WWOX: variants seen among roughly 807,000 people sequenced by gnomAD.
WWOX encodes WW domain containing oxidoreductase.
WWOX carries 69 observed loss-of-function variants against 46.2 expected under a neutral mutation model. The observed-to-expected ratio is 1.49, with a 90% confidence interval of 1.23 to 1.82. The LOEUF is 1.82. Ranked by LOEUF, WWOX falls within the 40% of genes most tolerant of loss-of-function variation. WWOX has a pLI of 0.00. For missense variants in WWOX, 919 were observed against 542.6 expected (o/e 1.69, Z -6.89); for synonymous variants, 359 against 202.6 (o/e 1.77, Z -6.56).
At chr16:79,098,720 G>A (rs780576420) in intron 8 of WWOX, among the ~76,000 whole-genome samples, 11 of 152,188 alleles carry the variant, frequency 7.2e-5, no homozygotes, top group Non-Finnish European at 1.5e-4. Context: ...CAACATAAAT[G>A]AGTAGAGGCA....
At chr16:79,054,775 G>T (rs1476455214) in intron 8 of WWOX, among the ~76,000 whole-genome samples, 1 of 152,162 alleles carries the variant, frequency 6.6e-6, no homozygotes, top group Non-Finnish European at 1.5e-5. Context: ...GCTGTGAACT[G>T]TGATCACACC....
At chr16:78,893,877 A>C (rs931081088) in intron 8 of WWOX, among the ~76,000 whole-genome samples, 2 of 152,154 alleles carry the variant, frequency 1.3e-5, no homozygotes, top group African/African-American at 4.8e-5. Context: ...CTAGAACACA[A>C]GATTTTCTAG....
chr16:78,961,896 C>T (rs749383447), intron 8 of WWOX, among the ~76,000 whole-genome samples: 52 of 152,134 alleles, frequency 3.4e-4, no homozygotes, highest in Non-Finnish European at 5.9e-4. Flanking sequence ...TGACTGCATC[C>T]AAGACCTATT....
intron 7 of WWOX, among the ~76,000 whole-genome samples, chr16:78,432,234 C>T (rs1675873823): frequency 6.6e-6 from 1 of 151,646 alleles, no homozygotes; most frequent in African/African-American, 2.4e-5. Context: ...TCTCTTGCTT[C>T]AGATTCCCGT....
Position 78,432,715 on chromosome 16 carries a change from T to C in WWOX, c.1019T>C (p.Leu340Pro), listed in dbSNP as rs761125565. Residue 340 changes from leucine to proline, a missense_variant, in exon 8 of 9, where the codon CTG becomes CCG. By Grantham distance (98) the Leu-to-Pro change is moderately conservative. Coordinates refer to ENST00000566780, the MANE Select transcript of WWOX (RefSeq NM_016373.4). Reference protein sequence around the residue: ...NIHRSWWVYTLLFTLARPFTK... With the variant: ...NIHRSWWVYTPLFTLARPFTK... ...CATCGCAGCTGGTGGGTGTACACAC[T>C]GCTGTTTACCTTGGCGAGGCCTTTC... The C allele has an allele frequency of 1.9e-5, 30 of 1,614,102 alleles. 1 individual carries two copies. The South Asian group carries it at 2.2e-4, about 12-fold the overall frequency.
intron 8 of WWOX, chr16:78,506,627 C>G (rs950487164): frequency 9.9e-5 from 15 of 151,208 alleles, no homozygotes; most frequent in African/African-American, 3.7e-4. Context: ...TTAATTATTA[C>G]CTACCCAAGG....
intron 8 of WWOX, among the ~76,000 whole-genome samples, chr16:78,852,356 C>T (rs989989061): frequency 6.6e-6 from 1 of 152,196 alleles, no homozygotes; most frequent in Non-Finnish European, 1.5e-5. Flanking sequence ...TGGACTTCTG[C>T]TTTGCTTCTC....
At chr16:79,100,339 T>C (rs1156874765) in intron 8 of WWOX, among the ~76,000 whole-genome samples, 4 of 152,182 alleles carry the variant, frequency 2.6e-5, no homozygotes, top group African/African-American at 9.6e-5. Flanking sequence ...AAGATTATTT[T>C]TAAAAGCCTG....
intron 8 of WWOX, among the ~76,000 whole-genome samples, chr16:79,166,720 C>G (rs1450529882): frequency 6.6e-6 from 1 of 152,202 alleles, no homozygotes; most frequent in Admixed American, 6.5e-5. Flanking sequence ...TGAACTACCA[C>G]TTCCAGCACC....
chr16:78,553,134 G>A (rs1392370469), intron 8 of WWOX: 1 of 152,356 alleles, frequency 6.6e-6, no homozygotes, highest in Admixed American at 6.5e-5. Flanking sequence ...GAGGAGTGGG[G>A]TTGGGGGAGG....
chr16:78,177,029 A>T (rs924767055), intron 5 of WWOX, among the ~76,000 whole-genome samples: 1 of 152,202 alleles, frequency 6.6e-6, no homozygotes, highest in African/African-American at 2.4e-5. Context: ...CCCCAGACCT[A>T]CTAGGTAAGA....
intron 5 of WWOX, among the ~76,000 whole-genome samples, chr16:78,372,408 A>G (rs1313016272): frequency 6.6e-6 from 1 of 152,212 alleles, no homozygotes; most frequent in African/African-American, 2.4e-5. Flanking sequence ...GAGACAGAAT[A>G]TCAGTAGCAA....
intron 8 of WWOX, among the ~76,000 whole-genome samples, chr16:78,687,206 G>A (rs759135470): frequency 1.3e-5 from 2 of 152,068 alleles, no homozygotes; most frequent in Non-Finnish European, 1.5e-5. Flanking sequence ...CTCTGTTCAT[G>A]ATATAACAGT....
chr16:78,299,106 G>T (rs191201599), intron 5 of WWOX, among the ~76,000 whole-genome samples: 1 of 152,256 alleles, frequency 6.6e-6, no homozygotes, highest in East Asian at 1.9e-4. Context: ...CTCCAGTGTG[G>T]GTGTTAGTCA....
chr16:79,124,349 G>GA (rs34806457), intron 8 of WWOX, among the ~76,000 whole-genome samples: 59,497 of 150,732 alleles, frequency 0.39, 11,901 homozygotes, highest in South Asian at 0.52. Flanking sequence ...TGGACTTTTT[G>GA]AAAAAAAAAT....
At position 79,023,612 on chromosome 16, in the gene WWOX, A is replaced by G. The variant is rs111378451; in HGVS notation, c.1057-187996A>G. ...AAGGAATGACGTTTTGGTCTGTGCTACAACTGGGATGAACCTCAAACATTA... is the reference window on the plus strand; with the variant it reads ...AAGGAATGACGTTTTGGTCTGTGCTGCAACTGGGATGAACCTCAAACATTA... On this transcript the variant is annotated intron_variant, in intron 8 of 8. Coordinates refer to ENST00000566780, the MANE Select transcript of WWOX (RefSeq NM_016373.4). Among the ~76,000 whole-genome samples, 132 of 152,236 alleles carry G rather than the reference A, an allele frequency of 8.7e-4. 2 individuals carry two copies. The highest frequency in any genetic ancestry group is 3.1e-3 in the African/African-American group (127 of 41,550).
At chr16:78,287,467 A>C (rs1783752396) in intron 5 of WWOX, among the ~76,000 whole-genome samples, 1 of 152,194 alleles carries the variant, frequency 6.6e-6, no homozygotes, top group Admixed American at 6.5e-5. Context: ...TAGTCTAGAG[A>C]GATACTTAGT....
intron 5 of WWOX, among the ~76,000 whole-genome samples, chr16:78,189,404 C>T (rs2035811435): frequency 6.6e-6 from 1 of 152,178 alleles, no homozygotes; most frequent in Admixed American, 6.5e-5. Flanking sequence ...GTCTCCATCG[C>T]TGTCTTTACT....
chr16:78,902,573 G>A (rs957974022), intron 8 of WWOX, among the ~76,000 whole-genome samples: 1 of 152,206 alleles, frequency 6.6e-6, no homozygotes, highest in African/African-American at 2.4e-5. Flanking sequence ...AGATATGCCC[G>A]AGTAGAAAAT....
Sources: allele counts gnomAD v4.1 joint callset (sites outside exome capture counted in the v4.1 genomes callset), GRCh38; gene constraint gnomAD v4.1.1; transcripts MANE v1.5; gene names NCBI Gene and HGNC (gene_info 2026-07-23, HGNC 2026-07-21).